Variants in STAB2 observed in about 807,000 individuals in gnomAD.
The protein encoded by STAB2 is stabilin-2.
Under a neutral mutation model 338.1 loss-of-function variants are expected in STAB2, and 288 were observed. The observed-to-expected ratio is 0.85, with a 90% confidence interval of 0.77 to 0.94. The LOEUF (loss-of-function observed/expected upper bound fraction) is 0.94. Ranked by LOEUF, STAB2 falls within the 40% of genes least tolerant of loss-of-function variation. The pLI is 0.00. For missense variants in STAB2, 3,141 were observed against 3,210.1 expected, an observed-to-expected ratio of 0.98 and a Z score of 0.52; for synonymous variants, 1,202 against 1,193.3, an observed-to-expected ratio of 1.01 and a Z score of -0.15.
chr12:103,629,377 G>C (rs1957425739), intron 5 of STAB2, among the ~76,000 whole-genome samples: 1 of 152,226 alleles, frequency 6.6e-6, no homozygotes, highest in Non-Finnish European at 1.5e-5. Context: ...AGAGCCTACT[G>C]CTACTTCTCC....
intron 18 of STAB2, among the ~76,000 whole-genome samples, chr12:103,663,343 C>G (rs977035602): frequency 3.9e-5 from 6 of 152,144 alleles, no homozygotes; most frequent in African/African-American, 1.4e-4. Flanking sequence ...GATAGCAGAG[C>G]CATGCTCCCT....
chr12:103,652,750 C>T (rs761626920), intron 12 of STAB2, 45 bp downstream of exon 12: 6 of 1,499,222 alleles, frequency 4.0e-6, no homozygotes, highest in South Asian at 3.0e-5. Context: ...AATTATCCAC[C>T]AAGCCAATGC....
Position 103,689,788 on chromosome 12 carries a change from G to A in STAB2, c.3046-58G>A, listed in dbSNP as rs566392162. The A allele has an allele frequency of 2.3e-5, 37 of 1,581,184 alleles. No homozygotes were observed. In the Middle Eastern group the frequency reaches 6.8e-4, roughly 29 times the overall value. On this transcript the variant is annotated intron_variant, in intron 28 of 68. Coordinates refer to ENST00000388887, the MANE Select transcript of STAB2 (RefSeq NM_017564.10). Reference sequence around the variant, plus strand: ...TTGTCATCTCTTCCAAGCATTTAAGGCAGCTCTGTTTGTCCCCTAACATAA... The same window carrying A: ...TTGTCATCTCTTCCAAGCATTTAAGACAGCTCTGTTTGTCCCCTAACATAA...
At chr12:103,623,624 C>A (rs1409173350) in intron 5 of STAB2, among the ~76,000 whole-genome samples, 2 of 152,180 alleles carry the variant, frequency 1.3e-5, no homozygotes, top group African/African-American at 2.4e-5. Context: ...TCCCCAGAGT[C>A]TCCAAAAAGG....
chr12:103,676,006 A>G lies in STAB2; in HGVS notation c.2631A>G (p.Gly877=), dbSNP rs1876312882. The stretch of plus-strand genomic sequence containing the variant: ...ACCCTTGCACAGGACTAACTCCAGG[A>G]GGCTGTAGCCGCAATGTGAGTACTG... ...EMDPCTGLTP[G]GCSRNAECIK... Residue 877 remains glycine, a synonymous_variant, in exon 24 of 69, where the codon GGA becomes GGG. Transcript: ENST00000388887. 3 of 1,565,680 alleles carry G rather than the reference A, an allele frequency of 1.9e-6. No individual in the cohort carries two copies. The South Asian group carries it at 3.3e-5, about 17-fold the overall frequency.
rs1157631452 is a variant in STAB2, at chr12:103,739,451, A to C, written c.5737A>C (p.Arg1913=). The change falls in exon 54 of 69, where the codon AGG becomes CGG. Residue 1913 remains arginine, a synonymous_variant. Transcript: ENST00000388887. ...CTGTGTCAATACTCCCAGCTGCCCAAGGTGGAGTAAACCAAAGGTAATTAA... is the reference window on the plus strand; with the variant it reads ...CTGTGTCAATACTCCCAGCTGCCCACGGTGGAGTAAACCAAAGGTAATTAA... ...GSCVNTPSCP[R]WSKPKGVKQK... 1 of 1,594,494 alleles carries C rather than the reference A, an allele frequency of 6.3e-7. No individual in the cohort carries two copies. Among genetic ancestry groups the C allele is most frequent in the East Asian group, 2.3e-5 (1 of 43,616 alleles).
rs141685549 is a variant in STAB2 at position 103,713,718 on chromosome 12, G to C, written c.4487G>C (p.Arg1496Pro). 3 of 1,614,086 alleles carry C rather than the reference G, an allele frequency of 1.9e-6. No individual in the cohort carries two copies. The highest frequency in any genetic ancestry group is 1.7e-4 in the Middle Eastern group (1 of 6,060). ...TGTAAGAGAACCACCCCAGGAAGGC[G>C]AGTGTGCACGTGCAAAGCAGGCTAC... ...ADCKRTTPGR[R>P]VCTCKAGYTG... The change falls in exon 42 of 69, where the codon CGA becomes CCA. Residue 1496 changes from arginine (R) to proline (P), a missense_variant. Arg to Pro is a moderately radical substitution (Grantham distance 103). Transcript: ENST00000388887.
intron 22 of STAB2, among the ~76,000 whole-genome samples, chr12:103,672,972 T>C (rs1875957359): frequency 2.0e-5 from 3 of 152,144 alleles, no homozygotes; most frequent in Admixed American, 2.0e-4. Context: ...CTCAGCTTCC[T>C]CATCTGAAAA....
intron 66 of STAB2, 60 bp downstream of exon 66, chr12:103,761,470 A>G (rs1884535112): frequency 6.9e-7 from 1 of 1,456,020 alleles, no homozygotes; most frequent in East Asian, 2.3e-5. Flanking sequence ...ACTCACCAAC[A>G]GGCAAACCAT....
chr12:103,737,627 TTCTTAGGGTGACCTC>T lies in STAB2; in HGVS notation c.5551-5_5560del. The T allele has an allele frequency of 3.2e-6, 5 of 1,562,212 alleles. No individual in the cohort carries two copies. Among genetic ancestry groups the T allele is most frequent in the Non-Finnish European group, 1.7e-6 (2 of 1,146,878 alleles). On this transcript the variant is annotated splice_acceptor_variant and splice_polypyrimidine_tract_variant and coding_sequence_variant and intron_variant, in exon 53 of 69. Transcript: ENST00000388887. LOFTEE classifies it high-confidence loss of function. Reference sequence around the variant, plus strand: ...TTCTCTTTTTTTTTTTTTTTTTTCTTTCTTAGGGTGACCTCTTTCTGAATGGCCAAACCTGCAGAA... The same window carrying T: ...TTCTCTTTTTTTTTTTTTTTTTTCTTTTTCTGAATGGCCAAACCTGCAGAA...
intron 3 of STAB2, among the ~76,000 whole-genome samples, chr12:103,605,718 CT>C (rs1957017910): frequency 6.6e-6 from 1 of 151,962 alleles, no homozygotes; most frequent in African/African-American, 2.4e-5. Flanking sequence ...ATGAAATGAA[CT>C]TCTTTATACC....
chr12:103,590,355 T>G (rs1422289532), intron 1 of STAB2, among the ~76,000 whole-genome samples: 1 of 152,262 alleles, frequency 6.6e-6, no homozygotes, highest in Non-Finnish European at 1.5e-5. Context: ...TCTGGAAGCC[T>G]ACTTTTCAGT....
intron 35 of STAB2, among the ~76,000 whole-genome samples, 185 bp downstream of exon 35, chr12:103,703,461 A>T (rs1487274601): frequency 6.6e-5 from 10 of 152,016 alleles, no homozygotes; most frequent in Non-Finnish European, 1.3e-4. Flanking sequence ...ATAAGACATG[A>T]CCCCTGCCCT....
chr12:103,745,271 C>T lies in STAB2; in HGVS notation c.6130C>T (p.Gln2044Ter). 3 of 1,613,046 alleles carry T rather than the reference C, an allele frequency of 1.9e-6. No homozygotes were observed. Among genetic ancestry groups the T allele is most frequent in the African/African-American group, 1.3e-5 (1 of 75,052 alleles). Residue 2044 changes from glutamine to a stop codon, truncating the protein, a stop_gained, in exon 57 of 69, where the codon CAG (glutamine) becomes TAG (stop). Coordinates refer to ENST00000388887, the MANE Select transcript of STAB2 (RefSeq NM_017564.10). LOFTEE classifies it high-confidence loss of function. The part of the protein sequence containing the change: ...TGWTGPSCDT[Q>*]AVLPAVCTPP... ...GTGGACAGGCCCCTCGTGTGACACT[C>T]AGGCAGGTCAGTCATGGGAGTGGTC... is the stretch of plus-strand genomic sequence containing the variant.
At chr12:103,689,810 A>C in intron 28 of STAB2, 36 bp from the exon 29 acceptor site, 1 of 1,603,508 alleles carries the variant, frequency 6.2e-7, no homozygotes, top group Non-Finnish European at 8.5e-7. Context: ...GTCCCCTAAC[A>C]TAAGCAGGTC....
intron 20 of STAB2, 116 bp from the exon 21 acceptor site, chr12:103,669,425 C>T (rs543094343): frequency 1.1e-6 from 1 of 885,246 alleles, no homozygotes; most frequent in East Asian, 2.5e-5. Context: ...AAAGGGCAAC[C>T]TCATAAGGAG....
chr12:103,757,040 ATAT>A (rs1279041731), intron 63 of STAB2, among the ~76,000 whole-genome samples: 2 of 145,238 alleles, frequency 1.4e-5, no homozygotes, highest in African/African-American at 5.0e-5. Flanking sequence ...TAAAATATAT[ATAT>A]TAAAGTATGT....
At chr12:103,717,682 T>C in intron 43 of STAB2, 88 bp from the exon 44 acceptor site, 1 of 1,052,558 alleles carries the variant, frequency 9.5e-7, no homozygotes, top group South Asian at 1.3e-5. Context: ...ACCATGACCA[T>C]GATGGAGTTC....
chr12:103,652,807 A>G, intron 12 of STAB2, 102 bp downstream of exon 12: 1 of 1,345,840 alleles, frequency 7.4e-7, no homozygotes, highest in Non-Finnish European at 9.9e-7. Context: ...AAAAATTACA[A>G]GGAAATTCTT....
Sources: allele counts gnomAD v4.1 joint callset (sites outside exome capture counted in the v4.1 genomes callset), GRCh38; gene constraint gnomAD v4.1.1; transcripts MANE v1.5; gene names NCBI Gene and HGNC (gene_info 2026-07-23, HGNC 2026-07-21).